Variants in KAZN observed in about 807,000 individuals in gnomAD.
The protein encoded by KAZN is kazrin.
KAZN carries 40 observed loss-of-function variants against 87.4 expected under a neutral mutation model. The ratio of observed to expected loss-of-function variants is 0.46; its 90% CI spans 0.36 to 0.60. The LOEUF (loss-of-function observed/expected upper bound fraction) is 0.60. KAZN is among the 20% of genes least tolerant of loss of function. The pLI is 0.00. For synonymous variants in KAZN, 466 were observed against 458.3 expected, an observed-to-expected ratio of 1.02 and a Z score of -0.22; for missense variants, 898 against 1,073.9, an observed-to-expected ratio of 0.84 and a Z score of 2.29.
intron 1 of KAZN, among the ~76,000 whole-genome samples, chr1:14,710,991 C>A (rs946126026): frequency 1.3e-5 from 2 of 152,036 alleles, no homozygotes; most frequent in East Asian, 3.9e-4. Flanking sequence ...CAAGACCAGC[C>A]TGGGCAACAT....
chr1:14,343,302 G>C (rs1200537199), intron 2 of KAZN, among the ~76,000 whole-genome samples: 1 of 152,174 alleles, frequency 6.6e-6, no homozygotes. Context: ...GAGGAAAAAA[G>C]ATCAGAAAGA....
intron 2 of KAZN, among the ~76,000 whole-genome samples, chr1:14,591,203 G>C (rs896574342): frequency 5.3e-5 from 8 of 152,024 alleles, no homozygotes; most frequent in Admixed American, 3.9e-4. Context: ...CACCGCATGA[G>C]AGGGCAAGAG....
chr1:14,490,754 T>G (rs1449582161), intron 2 of KAZN, among the ~76,000 whole-genome samples: 1 of 152,186 alleles, frequency 6.6e-6, no homozygotes, highest in Non-Finnish European at 1.5e-5. Context: ...TATGAAATGT[T>G]TGCATTCTAA....
chr1:13,968,412 C>T (rs1642020164), intron 1 of KAZN, among the ~76,000 whole-genome samples: 1 of 152,184 alleles, frequency 6.6e-6, no homozygotes, highest in Non-Finnish European at 1.5e-5. Context: ...GCAAAATGGG[C>T]TTGAAGCCAT....
chr1:14,454,789 A>C (rs1310627209), intron 2 of KAZN, among the ~76,000 whole-genome samples: 3 of 152,208 alleles, frequency 2.0e-5, no homozygotes, highest in Admixed American at 6.5e-5. Context: ...GGTGTGTATT[A>C]GTTATCCATT....
intron 13 of KAZN, among the ~76,000 whole-genome samples, chr1:15,110,041 GTA>G (rs138104181): frequency 0.95 from 142,903 of 150,994 alleles, 67,641 homozygotes; most frequent in East Asian, 0.98. Context: ...GTGTATGTGT[GTA>G]TATATATATG....
chr1:14,010,963 C>T (rs950761601), intron 1 of KAZN, among the ~76,000 whole-genome samples: 1 of 151,668 alleles, frequency 6.6e-6, no homozygotes. Flanking sequence ...TTTTTTTGGA[C>T]CTTATCTCCC....
At chr1:14,334,952 G>C (rs1189434055) in intron 2 of KAZN, among the ~76,000 whole-genome samples, 5 of 152,158 alleles carry the variant, frequency 3.3e-5, no homozygotes, top group Non-Finnish European at 5.9e-5. Context: ...GAGACAGAGA[G>C]TGAGAGAGTG....
chr1:14,762,618 G>C (rs1011237345), intron 1 of KAZN, among the ~76,000 whole-genome samples: 3 of 152,046 alleles, frequency 2.0e-5, no homozygotes, highest in South Asian at 2.1e-4. Context: ...CCAGCTACTC[G>C]GGAGGCTGAG....
chr1:15,040,776 A>T (rs1672809411), intron 3 of KAZN, among the ~76,000 whole-genome samples: 1 of 144,922 alleles, frequency 6.9e-6, no homozygotes, highest in Admixed American at 6.9e-5. Context: ...AAAAAAGTTA[A>T]AAAAAAAAAA....
At position 14,482,194 on chromosome 1, in the gene KAZN, C is replaced by T. The variant is rs148712483; in HGVS notation, c.250-116789C>T. ...CAAGGAACAGATGCTCACCCCCTCC[C>T]GCTAGCTGATACCCCAACCTACCCA... On this transcript the variant is annotated intron_variant, in intron 2 of 16. Transcript: ENST00000636203. 6.0e-3 allele frequency among the ~76,000 whole-genome samples: 921 copies of T among 152,320 alleles called. 9 individuals carry two copies. The highest frequency in any genetic ancestry group is 0.021 in the African/African-American group (878 of 41,562).
At chr1:14,226,266 C>T (rs1315904233) in intron 2 of KAZN, among the ~76,000 whole-genome samples, 4 of 151,992 alleles carry the variant, frequency 2.6e-5, no homozygotes, top group Non-Finnish European at 5.9e-5. Flanking sequence ...AGACACTTCT[C>T]AAAAGAAGAC....
At chr1:14,572,271 G>C (rs1283831120) in intron 2 of KAZN, among the ~76,000 whole-genome samples, 1 of 152,196 alleles carries the variant, frequency 6.6e-6, no homozygotes, top group African/African-American at 2.4e-5. Context: ...TAATGATGCA[G>C]AGTCCGCTGG....
At chr1:13,916,758 C>G (rs78799130) in intron 1 of KAZN, among the ~76,000 whole-genome samples, 4,154 of 152,170 alleles carry the variant, frequency 0.027, 190 homozygotes, top group African/African-American at 0.095. Flanking sequence ...GGAAGATCCA[C>G]CTGGGGAGCC....
chr1:14,417,560 T>C (rs765311250), intron 2 of KAZN, among the ~76,000 whole-genome samples: 3 of 152,166 alleles, frequency 2.0e-5, no homozygotes, highest in Admixed American at 6.5e-5. Flanking sequence ...ACTGGGATAT[T>C]GGCCCCTCCT....
chr1:14,870,113 C>A (rs1364402804), intron 1 of KAZN, among the ~76,000 whole-genome samples: 1 of 152,278 alleles, frequency 6.6e-6, no homozygotes, highest in South Asian at 2.1e-4. Context: ...CTGGGCCTGG[C>A]CTTGACCTTG....
At chr1:14,988,040 A>T (rs1666999681) in intron 2 of KAZN, among the ~76,000 whole-genome samples, 2 of 152,184 alleles carry the variant, frequency 1.3e-5, no homozygotes, top group African/African-American at 4.8e-5. Context: ...TGGGCTTTAG[A>T]CAGGGAGTGA....
At chr1:14,932,468 C>T (rs573385195) in intron 1 of KAZN, among the ~76,000 whole-genome samples, 7 of 152,318 alleles carry the variant, frequency 4.6e-5, no homozygotes, top group Non-Finnish European at 1.0e-4. Flanking sequence ...CTGCGTGGGG[C>T]CCTCCCCTGC....
At position 14,762,864 on chromosome 1, in the gene KAZN, T is replaced by C. The variant is rs201737313; in HGVS notation, c.226+163641T>C. 9.4e-5 allele frequency among the ~76,000 whole-genome samples: 10 copies of C among 106,272 alleles called. No homozygotes were observed. In the South Asian group the frequency reaches 2.5e-3, roughly 26 times the overall value. The allele number at this position is 106,272 out of a possible 152,430, so 69.7% of individuals were successfully genotyped here. ...CTTTGTTCAGTGCTGATGGCAACAA[T>C]AATAATAATAATAATACCTACTTCT... On this transcript the variant is annotated intron_variant, in intron 1 of 14. Transcript: ENST00000376030.
Sources: gnomAD v4.1 joint callset for allele counts (sites outside exome capture counted in the v4.1 genomes callset) on GRCh38, gnomAD v4.1.1 for gene constraint, MANE v1.5 for transcripts, NCBI Gene and HGNC (gene_info 2026-07-23, HGNC 2026-07-21) for gene names.